Variants in BRI3BP observed in about 807,000 individuals in gnomAD.
The protein encoded by BRI3BP is BRI3-binding protein.
In BRI3BP, 7 loss-of-function variants were observed where a neutral mutation model predicts 15.8. The observed-to-expected ratio is 0.44, with a 90% CI of 0.25 to 0.83. BRI3BP has a LOEUF of 0.83. BRI3BP is among the 40% of genes least tolerant of loss of function. The pLI, the probability that BRI3BP is intolerant of heterozygous loss-of-function variation, is 0.20. For missense variants in BRI3BP, 320 were observed against 339.3 expected, an observed-to-expected ratio of 0.94 and a Z score of 0.45; for synonymous variants, 192 against 163.5, an observed-to-expected ratio of 1.17 and a Z score of -1.33.
At chr12:124,994,028 G>T in intron 1 of BRI3BP, 25 bp downstream of exon 1, 2 of 1,301,584 alleles carry the variant, frequency 1.5e-6, no homozygotes, top group Non-Finnish European at 9.9e-7. Flanking sequence ...CGCGCCCGCG[G>T]TCACCTTGCC....
the BRI3BP span, among the ~76,000 whole-genome samples, chr12:125,047,995 C>T: frequency 6.9e-6 from 1 of 145,876 alleles, no homozygotes; most frequent in Non-Finnish European, 1.5e-5. Flanking sequence ...CTGTGCCCGG[C>T]CTACTTTTTT....
In BRI3BP at chr12:125,025,271, G is replaced by A. The variant is rs142309057; in HGVS notation, c.597G>A (p.Gly199=). 6 of 1,614,044 alleles carry A rather than the reference G, an allele frequency of 3.7e-6. No individual in the cohort carries two copies. In the South Asian group the frequency reaches 4.4e-5, roughly 12 times the overall value. Residue 199 remains glycine (G), a synonymous_variant, in exon 3 of 3, where the codon GGG becomes GGA. Transcript: ENST00000341446. ...CFVVAVYFMT[G]PMGFYWRSSP... is the part of the protein sequence containing the mutation. ...TGGTGGCCGTCTACTTCATGACCGG[G>A]CCCATGGGCTTCTACTGGCGAAGCA...
In BRI3BP at chr12:124,993,837, T is replaced by C; in HGVS notation, c.47T>C (p.Leu16Pro). ...SGGPLARAGL[L>P]LLLLLLLLLG... ...GGGCCCCTGGCCCGGGCCGGGCTCCTGCTGCTGCTGCTGCTGCTGCTGCTG... is the reference window on the plus strand; with the variant it reads ...GGGCCCCTGGCCCGGGCCGGGCTCCCGCTGCTGCTGCTGCTGCTGCTGCTG... Residue 16 changes from leucine (L) to proline (P), a missense_variant, in exon 1 of 3, where the codon CTG becomes CCG. Coordinates refer to ENST00000341446, the MANE Select transcript of BRI3BP (RefSeq NM_080626.6). 14 of 864,348 alleles carry C rather than the reference T, an allele frequency of 1.6e-5. No individual in the cohort carries two copies. The highest frequency in any genetic ancestry group is 1.8e-5 in the Non-Finnish European group (12 of 678,064). The allele number at this position is 864,348 out of a possible 1,614,324, so 53.5% of individuals were successfully genotyped here. A position where few individuals can be genotyped will look rare whatever the true frequency, so the allele number is the denominator to read the frequency against.
Position 125,024,263 on chromosome 12 carries a change from C to CTG in BRI3BP, c.317-728_317-727insTG, listed in dbSNP as rs1294478178. Among the ~76,000 whole-genome samples, 554 of 140,140 alleles carry CTG rather than the reference C, an allele frequency of 4.0e-3. 5 individuals are homozygous for CTG. The highest frequency in any genetic ancestry group is 9.3e-3 in the African/African-American group (371 of 39,706). The allele number at this position is 140,140 out of a possible 152,430, so 91.9% of individuals were successfully genotyped here. ...AAACCATCAGATCTCATGAAACCCCCCCCCCTCCACTGTCACAAGAACAGC... is the reference window on the plus strand; with the variant it reads ...AAACCATCAGATCTCATGAAACCCCCTGCCCCCTCCACTGTCACAAGAACAGC... On this transcript the variant is annotated intron_variant, in intron 2 of 2. Transcript: ENST00000341446.
chr12:125,010,029 G>C (rs1407375321), intron 1 of BRI3BP, among the ~76,000 whole-genome samples: 2 of 152,066 alleles, frequency 1.3e-5, no homozygotes, highest in Non-Finnish European at 2.9e-5. Context: ...TTGAACCCAG[G>C]AGGCGAAGGT....
chr12:124,997,067 T>C (rs1454783396), intron 1 of BRI3BP, among the ~76,000 whole-genome samples: 2 of 151,668 alleles, frequency 1.3e-5, no homozygotes, highest in African/African-American at 2.4e-5. Context: ...CCTCCCATAT[T>C]CTAATCTAGG....
downstream of BRI3BP, among the ~76,000 whole-genome samples, chr12:125,034,158 C>T (rs143048411): frequency 1.8e-3 from 275 of 152,000 alleles, no homozygotes; most frequent in African/African-American, 5.8e-3. Flanking sequence ...GCAATTCTAC[C>T]GCCTCAGCCT....
chr12:125,047,012 T>A, the BRI3BP span, among the ~76,000 whole-genome samples: 1 of 152,204 alleles, frequency 6.6e-6, no homozygotes. Context: ...AATCCTGAAA[T>A]TTTTCTCTGA....
chr12:125,047,472 C>CT, the BRI3BP span, among the ~76,000 whole-genome samples: 535 of 150,498 alleles, frequency 3.6e-3, 5 homozygotes, highest in African/African-American at 0.012. Context: ...CGCACCCGGC[C>CT]TTTTTTTTTC....
intron 1 of BRI3BP, among the ~76,000 whole-genome samples, chr12:124,999,320 C>T (rs570134670): frequency 4.5e-4 from 69 of 152,308 alleles, no homozygotes; most frequent in African/African-American, 1.5e-3. Context: ...CCCCCTTCCC[C>T]GAAGCAGCCA....
chr12:125,014,446 C>A (rs1456121725), intron 2 of BRI3BP, among the ~76,000 whole-genome samples: 1 of 152,198 alleles, frequency 6.6e-6, no homozygotes, highest in Non-Finnish European at 1.5e-5. Flanking sequence ...TTTATTGTGA[C>A]GGAAGGACGC....
intron 2 of BRI3BP, among the ~76,000 whole-genome samples, chr12:125,016,548 C>T (rs1243707709): frequency 6.6e-6 from 1 of 151,538 alleles, no homozygotes; most frequent in Non-Finnish European, 1.5e-5. Flanking sequence ...GTAGGAGGGA[C>T]GAAGTCTCAC....
At chr12:124,995,403 T>G (rs1388981390) in intron 1 of BRI3BP, among the ~76,000 whole-genome samples, 2 of 152,194 alleles carry the variant, frequency 1.3e-5, no homozygotes, top group Non-Finnish European at 2.9e-5. Context: ...TCATTTGTTT[T>G]AGAGCAAAAA....
At chr12:125,009,619 TGGGG>T (rs60019848) in intron 1 of BRI3BP, among the ~76,000 whole-genome samples, 12 of 148,022 alleles carry the variant, frequency 8.1e-5, no homozygotes, top group African/African-American at 3.0e-4. Flanking sequence ...AAATTAGAGA[TGGGG>T]GGGGGGTCTC....
chr12:125,010,041 G>A (rs1187182295), intron 1 of BRI3BP, among the ~76,000 whole-genome samples: 1 of 152,020 alleles, frequency 6.6e-6, no homozygotes, highest in Non-Finnish European at 1.5e-5. Context: ...GGCGAAGGTT[G>A]CCTTGAGTCG....
chr12:125,014,588 C>A (rs1955225721), intron 2 of BRI3BP, among the ~76,000 whole-genome samples: 1 of 152,140 alleles, frequency 6.6e-6, no homozygotes, highest in Admixed American at 6.6e-5. Flanking sequence ...CCAAGGACTC[C>A]CTGCCCAGGC....
At chr12:125,032,635 G>A (rs146864016), downstream of BRI3BP, among the ~76,000 whole-genome samples, 54 of 152,138 alleles carry the variant, frequency 3.5e-4, no homozygotes, top group African/African-American at 1.3e-3. Context: ...GGGTGCAGTG[G>A]CGCCTGCCTG....
intron 2 of BRI3BP, among the ~76,000 whole-genome samples, chr12:125,022,586 G>A (rs1955310255): frequency 7.0e-6 from 1 of 143,142 alleles, no homozygotes; most frequent in African/African-American, 2.8e-5. Flanking sequence ...GGAGTGCAGT[G>A]GCGCCATTGG....
Position 124,993,850 on chromosome 12 carries a change from G to T in BRI3BP, c.60G>T (p.Leu20=). 8.3e-7 allele frequency: 1 copy of T among 1,204,994 alleles called. No homozygotes were observed. The highest frequency in any genetic ancestry group is 1.0e-6 in the Non-Finnish European group (1 of 966,526). The allele number at this position is 1,204,994 out of a possible 1,614,324, so 74.6% of individuals were successfully genotyped here. ...GGGCCGGGCTCCTGCTGCTGCTGCT[G>T]CTGCTGCTGCTGCTCGGGCTGCTGG... The part of the protein sequence containing the change: ...LARAGLLLLL[L]LLLLLGLLAP... The change falls in exon 1 of 3, where the codon CTG becomes CTT. Residue 20 remains leucine, a synonymous_variant. Coordinates refer to ENST00000341446, the MANE Select transcript of BRI3BP (RefSeq NM_080626.6).
Sources: gnomAD v4.1 joint callset for allele counts (sites outside exome capture counted in the v4.1 genomes callset) on GRCh38, gnomAD v4.1.1 for gene constraint, MANE v1.5 for transcripts, NCBI Gene and HGNC (gene_info 2026-07-23, HGNC 2026-07-21) for gene names.